TRIM4: variants seen among roughly 807,000 people sequenced by gnomAD.
The protein encoded by TRIM4 is tripartite motif containing 4.
TRIM4 carries 29 observed loss-of-function variants against 33.7 expected under a neutral mutation model. The ratio of observed to expected loss-of-function variants is 0.86; its 90% confidence interval spans 0.64 to 1.17. The LOEUF (loss-of-function observed/expected upper bound fraction) is 1.17, where lower values mean the gene tolerates loss of function less well. TRIM4 is among the 50% of genes most tolerant of loss of function. The pLI, the probability that TRIM4 is intolerant of heterozygous loss-of-function variation, is 0.00. For missense variants in TRIM4, 554 were observed against 593.7 expected (o/e 0.93, Z 0.69); for synonymous variants, 224 against 233.0 (o/e 0.96, Z 0.35).
At chr7:99,896,409 G>T (rs1180670759) in intron 5 of TRIM4, among the ~76,000 whole-genome samples, 1 of 152,198 alleles carries the variant, frequency 6.6e-6, no homozygotes, top group African/African-American at 2.4e-5. Context: ...TTTGATTCGG[G>T]TTAAATGGAG....
chr7:99,905,355 T>A (rs2151647293), intron 3 of TRIM4, among the ~76,000 whole-genome samples: 1 of 152,352 alleles, frequency 6.6e-6, no homozygotes, highest in Non-Finnish European at 1.5e-5. Flanking sequence ...TGACCAGGAA[T>A]TGTTCTCACA....
intron 3 of TRIM4, among the ~76,000 whole-genome samples, chr7:99,907,431 G>A (rs2572002): frequency 0.37 from 56,177 of 152,058 alleles, 11,437 homozygotes; most frequent in Non-Finnish European, 0.46. Context: ...TTTTTTAATC[G>A]TTTCCCTAAC....
In TRIM4 at chr7:99,892,088, G is replaced by T; in HGVS notation, c.*75C>A. On this transcript the variant is annotated 3_prime_UTR_variant, in exon 6 of 6. Transcript: ENST00000349062. ...ACCATCCAGGATAGAGACATGAAGG[G>T]CAGAAGAGGGCCCAGGGATGTGTGT... is the stretch of plus-strand genomic sequence containing the variant. 3 of 1,303,866 alleles carry T rather than the reference G, an allele frequency of 2.3e-6. No individual in the cohort carries two copies. The highest frequency in any genetic ancestry group is 2.4e-5 in the East Asian group (1 of 42,352). 80.8% of individuals were successfully genotyped at this position (1,303,866 alleles called of 1,614,324 possible).
chr7:99,905,043 T>A (rs539997585), intron 3 of TRIM4, among the ~76,000 whole-genome samples: 12 of 109,740 alleles, frequency 1.1e-4, no homozygotes, highest in African/African-American at 3.5e-4. Flanking sequence ...AAATAAAAAA[T>A]AAAAATTAAA....
At chr7:99,904,322 G>C (rs1819246825) in intron 3 of TRIM4, among the ~76,000 whole-genome samples, 1 of 152,012 alleles carries the variant, frequency 6.6e-6, no homozygotes, top group Admixed American at 6.6e-5. Flanking sequence ...ATTCCAATAG[G>C]GGAGCATCCT....
At chr7:99,914,242 C>T (rs144482802) in intron 1 of TRIM4, among the ~76,000 whole-genome samples, 2 of 152,316 alleles carry the variant, frequency 1.3e-5, no homozygotes, top group South Asian at 2.1e-4. Flanking sequence ...ACTGCAGCCT[C>T]GAACTCCTGA....
intron 1 of TRIM4, chr7:99,917,917 C>A: frequency 1.1e-6 from 1 of 925,822 alleles, no homozygotes; most frequent in Non-Finnish European, 1.3e-6. Context: ...AGAAAGAGAA[C>A]AGACTTGAAA....
intron 3 of TRIM4, among the ~76,000 whole-genome samples, chr7:99,906,099 C>T (rs1381564498): frequency 1.3e-5 from 2 of 151,846 alleles, no homozygotes; most frequent in African/African-American, 4.8e-5. Context: ...GAGCCAAGAT[C>T]GCTCCACTGC....
chr7:99,910,870 G>A (rs1333830365), intron 1 of TRIM4, among the ~76,000 whole-genome samples: 4 of 152,198 alleles, frequency 2.6e-5, no homozygotes, highest in Non-Finnish European at 5.9e-5. Context: ...GATGGAAGCA[G>A]AAATGTTAGA....
At chr7:99,906,216 G>A (rs1819301553) in intron 3 of TRIM4, among the ~76,000 whole-genome samples, 1 of 152,162 alleles carries the variant, frequency 6.6e-6, no homozygotes, top group Non-Finnish European at 1.5e-5. Context: ...GAGAAGGGAA[G>A]AGGTACTGAT....
Position 99,919,446 on chromosome 7 carries a change from A to G in TRIM4, c.-45T>C. 6.8e-7 allele frequency: 1 copy of G among 1,473,192 alleles called. No homozygotes were observed. The highest frequency in any genetic ancestry group is 9.0e-7 in the Non-Finnish European group (1 of 1,111,910). The allele number at this position is 1,473,192 out of a possible 1,614,324, so 91.3% of individuals were successfully genotyped here. On this transcript the variant is annotated 5_prime_UTR_variant, in exon 1 of 6. Coordinates refer to ENST00000349062, the MANE Select transcript of TRIM4 (RefSeq NM_033091.3). ...GACGGAGTCCGACGTGAGGCGCGGG[A>G]GAGGCCAGCAAGCTGCGAGCGGCCG...
In TRIM4 at chr7:99,892,006, G is replaced by A; in HGVS notation, c.*157C>T. 1.5e-6 allele frequency: 1 copy of A among 674,852 alleles called. No homozygotes were observed. Among genetic ancestry groups the A allele is most frequent in the South Asian group, 2.2e-5 (1 of 46,250 alleles). 41.8% of individuals were successfully genotyped at this position (674,852 alleles called of 1,614,324 possible). On this transcript the variant is annotated 3_prime_UTR_variant, in exon 6 of 6. Coordinates refer to ENST00000349062, the MANE Select transcript of TRIM4 (RefSeq NM_033091.3). ...CCCACCTCCCATGGGACTGCCTCTT[G>A]TGAAGCACACAAAGGGCAGATACCA...
At position 99,919,421 on chromosome 7, in the gene TRIM4, G is replaced by A. The variant is rs1052553612; in HGVS notation, c.-20C>T. 1 of 1,507,248 alleles carries A rather than the reference G, an allele frequency of 6.6e-7. No homozygotes were observed. The highest frequency in any genetic ancestry group is 8.9e-7 in the Non-Finnish European group (1 of 1,128,418). 93.4% of individuals were successfully genotyped at this position (1,507,248 alleles called of 1,614,324 possible). On this transcript the variant is annotated 5_prime_UTR_variant, in exon 1 of 6. Coordinates refer to ENST00000349062, the MANE Select transcript of TRIM4 (RefSeq NM_033091.3). Reference sequence around the variant, plus strand: ...TTCCATGCTGCTTCCCTGCCGCGGAGACGGAGTCCGACGTGAGGCGCGGGA... The same window carrying A: ...TTCCATGCTGCTTCCCTGCCGCGGAAACGGAGTCCGACGTGAGGCGCGGGA...
At chr7:99,894,420 C>T (rs1419920417) in intron 5 of TRIM4, among the ~76,000 whole-genome samples, 1 of 152,126 alleles carries the variant, frequency 6.6e-6, no homozygotes, top group Non-Finnish European at 1.5e-5. Context: ...AATCCCAATG[C>T]TTTGGGAGGC....
At chr7:99,902,864 C>G (rs1293532979) in intron 5 of TRIM4, among the ~76,000 whole-genome samples, 1 of 151,874 alleles carries the variant, frequency 6.6e-6, no homozygotes, top group Non-Finnish European at 1.5e-5. Context: ...GCTGTGAAAA[C>G]TTTCCCATCT....
intron 5 of TRIM4, among the ~76,000 whole-genome samples, chr7:99,896,864 C>T (rs896997769): frequency 1.3e-5 from 2 of 152,238 alleles, no homozygotes; most frequent in African/African-American, 2.4e-5. Context: ...AAGTCAAATG[C>T]CCAAGCTGTG....
At chr7:99,918,636 AAATAT>A (rs1300853908) in intron 1 of TRIM4, among the ~76,000 whole-genome samples, 1 of 152,174 alleles carries the variant, frequency 6.6e-6, no homozygotes, top group Non-Finnish European at 1.5e-5. Context: ...AGATTAAATA[AAATAT>A]ATTATTACAA....
chr7:99,898,207 GAGC>G (rs1417619915), intron 5 of TRIM4, among the ~76,000 whole-genome samples: 2 of 152,210 alleles, frequency 1.3e-5, no homozygotes, highest in Admixed American at 1.3e-4. Flanking sequence ...CCTAGTATGG[GAGC>G]AGGTTAGTGC....
At position 99,909,729 on chromosome 7, in the gene TRIM4, G is replaced by GGTTTTTTTTTTTTTTTTTT. The variant is rs1563087619; in HGVS notation, c.394-70_394-69insAAAAAAAAAAAAAAAAAAC. The GGTTTTTTTTTTTTTTTTTT allele has an allele frequency of 3.0e-6, 2 of 677,026 alleles. 1 individual carries two copies. The highest frequency in any genetic ancestry group is 4.4e-5 in the African/African-American group (2 of 45,972). 41.9% of individuals were successfully genotyped at this position (677,026 alleles called of 1,614,324 possible). A position where few individuals can be genotyped will look rare whatever the true frequency, so the allele number is the denominator to read the frequency against. On this transcript the variant is annotated intron_variant, in intron 1 of 5. Coordinates refer to ENST00000349062, the MANE Select transcript of TRIM4 (RefSeq NM_033091.3). ...CATCATCATCTTCTTTTTTCTTTTT[G>GGTTTTTTTTTTTTTTTTTT]TTTTTTTTTTTTTTTTTTTTTGAGA... is the stretch of plus-strand genomic sequence containing the variant.
Sources: allele counts gnomAD v4.1 joint callset (sites outside exome capture counted in the v4.1 genomes callset), GRCh38; gene constraint gnomAD v4.1.1; transcripts MANE v1.5; gene names NCBI Gene and HGNC (gene_info 2026-07-23, HGNC 2026-07-21).